Variants in FERMT1 observed in about 807,000 individuals in gnomAD.
FERMT1 encodes the protein FERM domain containing kindlin 1.
A neutral mutation model predicts 85.3 loss-of-function variants in FERMT1; 60 were observed. The ratio of observed to expected loss-of-function variants is 0.70; its 90% confidence interval spans 0.57 to 0.87. The LOEUF is 0.87. FERMT1 is among the 40% of genes least tolerant of loss of function. The pLI is 0.00. For synonymous variants in FERMT1, 275 were observed against 301.1 expected (o/e 0.91, Z 0.90); for missense variants, 701 against 818.9 (o/e 0.86, Z 1.76).
chr20:6,086,017 T>C (rs1173058712), intron 11 of FERMT1, among the ~76,000 whole-genome samples: 2 of 149,852 alleles, frequency 1.3e-5, no homozygotes, highest in African/African-American at 2.5e-5. Context: ...TGGCAGGCAC[T>C]TGTAGTCCCA....
chr20:6,100,344 A>G (rs932964817), intron 6 of FERMT1, among the ~76,000 whole-genome samples: 10 of 152,230 alleles, frequency 6.6e-5, no homozygotes, highest in African/African-American at 2.4e-4. Flanking sequence ...AAAATTATTC[A>G]TAAAGTACCA....
At chr20:6,121,582 A>T (rs2123161395) in intron 1 of FERMT1, among the ~76,000 whole-genome samples, 1 of 152,306 alleles carries the variant, frequency 6.6e-6, no homozygotes, top group African/African-American at 2.4e-5. Flanking sequence ...ATCATTTATT[A>T]CCTACTGACT....
At chr20:6,083,935 A>C in intron 13 of FERMT1, 105 bp downstream of exon 13, 9 of 1,364,316 alleles carry the variant, frequency 6.6e-6, no homozygotes, top group Non-Finnish European at 9.3e-6. Context: ...ATATTCTCAA[A>C]TAAAAAGCAT....
At position 6,107,602 on chromosome 20, in the gene FERMT1, TGTTCCATAA is replaced by T. The variant is rs1982834727; in HGVS notation, c.770_778del (p.Leu257_Glu259del). On this transcript the variant is annotated inframe_deletion, in exon 6 of 15. Coordinates refer to ENST00000217289, the MANE Select transcript of FERMT1 (RefSeq NM_017671.5). ...CAGCTGCTCATCCTCTTGGATGCCT[TGTTCCATAA>T]GGGAGCGTGAGGAGTCTAGCCAACT... 2 of 1,612,796 alleles carry T rather than the reference TGTTCCATAA, an allele frequency of 1.2e-6. No individual in the cohort carries two copies.
chr20:6,121,543 G>A (rs934633392), intron 1 of FERMT1, among the ~76,000 whole-genome samples: 6 of 152,254 alleles, frequency 3.9e-5, no homozygotes, highest in African/African-American at 2.4e-5. Flanking sequence ...AGGCCTAACT[G>A]CTTGCCTCTG....
chr20:6,099,090 G>T lies in FERMT1; in HGVS notation c.850-1459C>A, dbSNP rs1421159225. ...ATGTGCTGTCCACATACAATAGAAC[G>T]CTATTCAGCCTTAAAAAGGAATGAA... On this transcript the variant is annotated intron_variant, in intron 6 of 14. Transcript: ENST00000217289. 3.3e-5 allele frequency among the ~76,000 whole-genome samples: 5 copies of T among 152,076 alleles called. No homozygotes were observed. The East Asian group carries it at 9.6e-4, about 29-fold the overall frequency.
At chr20:6,084,285 C>T (rs1424122488) in intron 12 of FERMT1, 121 bp from the exon 13 acceptor site, 18 of 1,072,300 alleles carry the variant, frequency 1.7e-5, no homozygotes, top group South Asian at 2.7e-5. Context: ...TCTACAAAGA[C>T]AATCCATTCT....
rs538697423 is a variant in FERMT1 at position 6,087,866 on chromosome 20, C to T, written c.1282G>A (p.Asp428Asn). 1.0e-5 allele frequency: 16 copies of T among 1,607,526 alleles called. No individual in the cohort carries two copies. The highest frequency in any genetic ancestry group is 3.3e-5 in the Admixed American group (2 of 59,998). ...LNLRGCEVVP[D>N]VNVAGRKFGI... is the part of the protein sequence containing the mutation. ...AATTTTCTTCCTGCTACATTTACATCGGGCACAACTTCGCAGCCTGAAGGA... is the reference window on the plus strand; with the variant it reads ...AATTTTCTTCCTGCTACATTTACATTGGGCACAACTTCGCAGCCTGAAGGA... The change falls in exon 11 of 15, where the codon GAT (aspartate) becomes AAT (asparagine). Residue 428 changes from aspartate (D) to asparagine (N), a missense_variant. Coordinates refer to ENST00000217289, the MANE Select transcript of FERMT1 (RefSeq NM_017671.5).
At chr20:6,095,445 T>C (rs1568658374) in intron 8 of FERMT1, among the ~76,000 whole-genome samples, 1 of 152,240 alleles carries the variant, frequency 6.6e-6, no homozygotes, top group Non-Finnish European at 1.5e-5. Flanking sequence ...TGACTACTTT[T>C]ATATGCAAAC....
intron 9 of FERMT1, among the ~76,000 whole-genome samples, chr20:6,091,162 C>G (rs1600432482): frequency 2.0e-5 from 3 of 151,998 alleles, no homozygotes; most frequent in African/African-American, 7.2e-5. Flanking sequence ...GACTTCGTCT[C>G]AAACAAACAA....
At chr20:6,114,978 A>G (rs983173476) in intron 3 of FERMT1, among the ~76,000 whole-genome samples, 2 of 152,184 alleles carry the variant, frequency 1.3e-5, no homozygotes, top group Non-Finnish European at 2.9e-5. Context: ...TTAGCTCTGT[A>G]TTGCTACTAT....
chr20:6,092,289 A>AATCC (rs1204402235), intron 9 of FERMT1, among the ~76,000 whole-genome samples: 1 of 152,174 alleles, frequency 6.6e-6, no homozygotes, highest in Admixed American at 6.5e-5. Context: ...TCATGCCTGG[A>AATCC]ATCCCAGGAC....
At chr20:6,110,266 T>C (rs1982907448) in intron 5 of FERMT1, 32 bp downstream of exon 5, 1 of 1,561,398 alleles carries the variant, frequency 6.4e-7, no homozygotes, top group Non-Finnish European at 8.8e-7. Context: ...CGGCACTAGC[T>C]CAGAGAGAAG....
At chr20:6,096,801 T>TTTAA in intron 8 of FERMT1, 101 bp downstream of exon 8, 7 of 925,430 alleles carry the variant, frequency 7.6e-6, no homozygotes, top group South Asian at 1.5e-5. Context: ...TTTTTTTTTT[T>TTTAA]CAAAATCAGA....
At position 6,076,031 on chromosome 20, in the gene FERMT1, A is replaced by T. The variant is rs1390974113; in HGVS notation, c.*1142T>A. ...GACACAGCAAAAAACAGAGGGGGAG[A>T]AAAAAGTCTATTATTGGCTTGTGAT... On this transcript the variant is annotated 3_prime_UTR_variant, in exon 15 of 15. Coordinates refer to ENST00000217289, the MANE Select transcript of FERMT1 (RefSeq NM_017671.5). 1 of 155,134 alleles carries T rather than the reference A, an allele frequency of 6.4e-6. No individual in the cohort carries two copies. Among genetic ancestry groups the T allele is most frequent in the Non-Finnish European group, 1.4e-5 (1 of 69,946 alleles). The allele number at this position is 155,134 out of a possible 1,614,324, so 9.6% of individuals were successfully genotyped here.
intron 2 of FERMT1, among the ~76,000 whole-genome samples, chr20:6,118,868 C>T (rs6053920): frequency 0.48 from 72,779 of 151,664 alleles, 18,044 homozygotes; most frequent in East Asian, 0.77. Context: ...TAGATGTCAC[C>T]GGTGGAATGG....
intron 3 of FERMT1, among the ~76,000 whole-genome samples, chr20:6,114,186 C>T (rs1369653784): frequency 6.6e-6 from 1 of 152,174 alleles, no homozygotes; most frequent in Non-Finnish European, 1.5e-5. Flanking sequence ...GTGACCATTC[C>T]AAATGCATAA....
chr20:6,076,857 T>C lies in FERMT1; in HGVS notation c.*316A>G. The stretch of plus-strand genomic sequence containing the variant: ...TCAGCACGAGGATAACTTGTAGCCA[T>C]ACACCTGGCAGGTTCTGCAAGTCAG... On this transcript the variant is annotated 3_prime_UTR_variant, in exon 15 of 15. Transcript: ENST00000217289. 2.2e-6 allele frequency: 1 copy of C among 447,142 alleles called. No individual in the cohort carries two copies. Among genetic ancestry groups the C allele is most frequent in the Non-Finnish European group, 4.1e-6 (1 of 241,564 alleles). 27.7% of individuals were successfully genotyped at this position (447,142 alleles called of 1,614,324 possible).
chr20:6,087,445 G>A (rs564945848), intron 11 of FERMT1, among the ~76,000 whole-genome samples: 28 of 152,220 alleles, frequency 1.8e-4, no homozygotes, highest in African/African-American at 5.5e-4. Flanking sequence ...CAAGTAGCTG[G>A]GATTACAGGC....
Sources: allele counts gnomAD v4.1 joint callset (sites outside exome capture counted in the v4.1 genomes callset), GRCh38; gene constraint gnomAD v4.1.1; transcripts MANE v1.5; gene names NCBI Gene and HGNC (gene_info 2026-07-23, HGNC 2026-07-21).